CDH18: variants seen among roughly 807,000 people sequenced by gnomAD.
CDH18 encodes cadherin-18.
In CDH18, 31 loss-of-function variants were observed where a neutral mutation model predicts 67.9. The observed-to-expected ratio is 0.46, with a 90% CI of 0.34 to 0.62. The LOEUF (loss-of-function observed/expected upper bound fraction) is 0.62, where lower values mean the gene tolerates loss of function less well. Among genes scored for constraint, CDH18 ranks in the 20% least tolerant of loss-of-function variants. CDH18 has a pLI of 0.01. For synonymous variants in CDH18, 362 were observed against 347.2 expected, an observed-to-expected ratio of 1.04 and a Z score of -0.48; for missense variants, 890 against 975.5, an observed-to-expected ratio of 0.91 and a Z score of 1.17.
intron 10 of CDH18, among the ~76,000 whole-genome samples, chr5:19,505,668 T>C (rs144981089): frequency 0.11 from 17,098 of 151,936 alleles, 1,441 homozygotes; most frequent in African/African-American, 0.24. Context: ...GGGATGAAGC[T>C]CACTTGATCA....
At chr5:19,810,198 C>T (rs1446461721) in intron 3 of CDH18, among the ~76,000 whole-genome samples, 7 of 151,856 alleles carry the variant, frequency 4.6e-5, no homozygotes, top group African/African-American at 7.3e-5. Context: ...GACATGATGG[C>T]GCACACCTGT....
At chr5:19,539,886 A>T (rs913458128) in intron 9 of CDH18, among the ~76,000 whole-genome samples, 7 of 152,062 alleles carry the variant, frequency 4.6e-5, no homozygotes, top group Non-Finnish European at 1.0e-4. Context: ...CACACAGCCA[A>T]ACCATATTAT....
At chr5:20,566,150 A>G (rs1758490422) in intron 1 of CDH18, among the ~76,000 whole-genome samples, 1 of 152,034 alleles carries the variant, frequency 6.6e-6, no homozygotes. Context: ...TCTGGAAGAA[A>G]ATGGGCTACT....
chr5:20,532,441 G>A (rs771341393), intron 1 of CDH18, among the ~76,000 whole-genome samples: 4 of 151,600 alleles, frequency 2.6e-5, no homozygotes, highest in Non-Finnish European at 5.9e-5. Flanking sequence ...ATCTTTTTTT[G>A]TACTATCTTG....
At chr5:19,641,295 G>A (rs1753963963) in intron 5 of CDH18, among the ~76,000 whole-genome samples, 1 of 151,848 alleles carries the variant, frequency 6.6e-6, no homozygotes, top group African/African-American at 2.4e-5. Context: ...TCTTAAACTT[G>A]TCCAAAAATA....
intron 2 of CDH18, among the ~76,000 whole-genome samples, chr5:20,139,037 G>A (rs1450420456): frequency 6.6e-6 from 1 of 152,270 alleles, no homozygotes; most frequent in Admixed American, 6.5e-5. Flanking sequence ...AACAAAGCTG[G>A]AGGCATCATG....
chr5:19,591,344 A>T, intron 6 of CDH18, 100 bp from the exon 7 acceptor site: 1 of 669,966 alleles, frequency 1.5e-6, no homozygotes, highest in Non-Finnish European at 2.2e-6. Context: ...AATGAAGACT[A>T]TATTAGGTAA....
chr5:19,625,953 T>C (rs1751476539), intron 5 of CDH18, among the ~76,000 whole-genome samples: 1 of 152,144 alleles, frequency 6.6e-6, no homozygotes, highest in African/African-American at 2.4e-5. Context: ...AGCCTTGTGT[T>C]ACTCACCCTT....
intron 5 of CDH18, among the ~76,000 whole-genome samples, chr5:19,689,215 A>T (rs1761516570): frequency 6.6e-6 from 1 of 152,082 alleles, no homozygotes; most frequent in Admixed American, 6.5e-5. Context: ...GGTGTTTTTC[A>T]TGGCACATTA....
intron 12 of CDH18, 22 bp from the exon 13 acceptor site, chr5:19,473,738 A>C (rs1737969865): frequency 6.5e-7 from 1 of 1,548,094 alleles, no homozygotes; most frequent in South Asian, 1.2e-5. Context: ...TGGAAAAAGG[A>C]TGAAGAATTA....
chr5:20,291,566 T>C (rs1310502839), intron 1 of CDH18, among the ~76,000 whole-genome samples: 1 of 151,984 alleles, frequency 6.6e-6, no homozygotes, highest in Non-Finnish European at 1.5e-5. Context: ...GGTTGAGAAA[T>C]GAAAGGAAGT....
At chr5:20,537,207 T>G (rs1756773816) in intron 1 of CDH18, among the ~76,000 whole-genome samples, 1 of 152,194 alleles carries the variant, frequency 6.6e-6, no homozygotes, top group African/African-American at 2.4e-5. Flanking sequence ...CCTGTTTATC[T>G]TCTATCCTAG....
At chr5:19,509,303 G>A (rs895573387) in intron 10 of CDH18, among the ~76,000 whole-genome samples, 1 of 152,046 alleles carries the variant, frequency 6.6e-6, no homozygotes, top group Non-Finnish European at 1.5e-5. Flanking sequence ...GGCAGAGAGT[G>A]GGAAGGGGCA....
At chr5:20,539,645 G>A (rs1394114662) in intron 1 of CDH18, among the ~76,000 whole-genome samples, 5 of 151,514 alleles carry the variant, frequency 3.3e-5, no homozygotes, top group Non-Finnish European at 7.4e-5. Flanking sequence ...TGAGTCTGTT[G>A]GTATCTAAAT....
chr5:19,508,097 C>A (rs1469220255), intron 10 of CDH18, among the ~76,000 whole-genome samples: 1 of 150,836 alleles, frequency 6.6e-6, no homozygotes, highest in East Asian at 1.9e-4. Flanking sequence ...GTCAGTCTGA[C>A]TTTGTCCAAA....
chr5:19,916,295 G>A (rs1272500675), intron 2 of CDH18, among the ~76,000 whole-genome samples: 2 of 152,042 alleles, frequency 1.3e-5, no homozygotes, highest in Admixed American at 6.6e-5. Flanking sequence ...GCTCACCACT[G>A]AGTCCTTACC....
chr5:19,758,499 A>T (rs1224500346), intron 3 of CDH18, among the ~76,000 whole-genome samples: 6 of 152,224 alleles, frequency 3.9e-5, no homozygotes, highest in Admixed American at 3.9e-4. Context: ...CTTAAGTGGC[A>T]GAGCAGCTTG....
chr5:19,678,222 A>G (rs1032927876), intron 5 of CDH18, among the ~76,000 whole-genome samples: 1 of 145,300 alleles, frequency 6.9e-6, no homozygotes, highest in Non-Finnish European at 1.5e-5. Flanking sequence ...CACACAATCA[A>G]ACATAAAACA....
chr5:19,533,169 A>T (rs931706911), intron 9 of CDH18, among the ~76,000 whole-genome samples: 1 of 152,206 alleles, frequency 6.6e-6, no homozygotes, highest in African/African-American at 2.4e-5. Context: ...AGGAGGAACT[A>T]AACAGCATGC....
Sources: allele counts gnomAD v4.1 joint callset (sites outside exome capture counted in the v4.1 genomes callset), GRCh38; gene constraint gnomAD v4.1.1; transcripts MANE v1.5; gene names NCBI Gene and HGNC (gene_info 2026-07-23, HGNC 2026-07-21).